Variants in CPQ observed in about 807,000 individuals in gnomAD.
CPQ encodes the protein carboxypeptidase Q.
A neutral mutation model predicts 45.7 loss-of-function variants in CPQ; 37 were observed. The observed-to-expected ratio is 0.81, with a 90% CI of 0.62 to 1.07. The LOEUF (loss-of-function observed/expected upper bound fraction) is 1.07. Among genes scored for constraint, CPQ ranks in the 50% least tolerant of loss-of-function variants. The pLI is 0.00. For synonymous variants in CPQ, 186 were observed against 205.8 expected, an observed-to-expected ratio of 0.90 and a Z score of 0.82; for missense variants, 537 against 572.9, an observed-to-expected ratio of 0.94 and a Z score of 0.64.
chr8:97,041,661 C>T (rs1326465238), intron 6 of CPQ, among the ~76,000 whole-genome samples: 1 of 152,168 alleles, frequency 6.6e-6, no homozygotes, highest in Non-Finnish European at 1.5e-5. Flanking sequence ...TACGTCCCCT[C>T]AATACCTAAT....
rs1815505384 is a variant in CPQ, at chr8:96,645,370, C to T, written c.-67C>T. 6.5e-6 allele frequency: 1 copy of T among 152,690 alleles called. No individual in the cohort carries two copies. The highest frequency in any genetic ancestry group is 1.5e-5 in the Non-Finnish European group (1 of 68,452). The allele number at this position is 152,690 out of a possible 1,614,324, so 9.5% of individuals were successfully genotyped here. A position where few individuals can be genotyped will look rare whatever the true frequency, so the allele number is the denominator to read the frequency against. On this transcript the variant is annotated 5_prime_UTR_variant, in exon 1 of 8. Coordinates refer to ENST00000220763, the MANE Select transcript of CPQ (RefSeq NM_016134.4). ...GCCGCGAGCTTAGTCCTGGGAGCCG[C>T]CTCCGTCGCCGCCGTCAGAGCCGCC...
chr8:96,709,643 C>T (rs7812565), intron 1 of CPQ, among the ~76,000 whole-genome samples: 55,510 of 151,854 alleles, frequency 0.37, 10,463 homozygotes, highest in East Asian at 0.61. Flanking sequence ...ATCTACTTTA[C>T]TGCATACTCA....
Position 96,785,155 on chromosome 8 carries a change from A to T in CPQ, c.258A>T (p.Lys86Asn). 6.2e-7 allele frequency: 1 copy of T among 1,613,716 alleles called. No individual in the cohort carries two copies. Among genetic ancestry groups the T allele is most frequent in the African/African-American group, 1.3e-5 (1 of 75,032 alleles). The change falls in exon 2 of 8, where the codon AAA (lysine) becomes AAT (asparagine). Residue 86 changes from lysine (K) to asparagine (N), a missense_variant. By Grantham distance (94) the Lys-to-Asn change is moderately conservative. Transcript: ENST00000220763. ...PRLSGSKNLE[K>N]AIQIMYQNLQ... ...TGAGTGGCTCCAAGAACCTAGAAAA[A>T]GCCATCCAAATTATGTACCAAAACC...
chr8:96,926,631 TCTC>T (rs1387002602), intron 4 of CPQ, among the ~76,000 whole-genome samples: 2 of 143,954 alleles, frequency 1.4e-5, no homozygotes. Flanking sequence ...TTCTCCTCCT[TCTC>T]CTTCTTCTTC....
chr8:96,660,729 A>G (rs1278661705), intron 1 of CPQ, among the ~76,000 whole-genome samples: 1 of 152,044 alleles, frequency 6.6e-6, no homozygotes, highest in African/African-American at 2.4e-5. Flanking sequence ...TGAACATACT[A>G]TAAATGTTCA....
intron 1 of CPQ, among the ~76,000 whole-genome samples, chr8:96,783,413 T>C (rs1167792872): frequency 1.3e-5 from 2 of 151,922 alleles, no homozygotes; most frequent in African/African-American, 4.8e-5. Flanking sequence ...TGCCACATCA[T>C]AACATGGCAG....
At chr8:96,772,343 A>G (rs552322565) in intron 1 of CPQ, among the ~76,000 whole-genome samples, 6 of 152,082 alleles carry the variant, frequency 3.9e-5, no homozygotes, top group South Asian at 2.1e-4. Context: ...ATGGTCCCAG[A>G]TGATGGGGTG....
chr8:97,084,627 A>C (rs73268743), intron 7 of CPQ, among the ~76,000 whole-genome samples: 4,795 of 152,312 alleles, frequency 0.031, 243 homozygotes, highest in African/African-American at 0.11. Context: ...ATACAGTGCC[A>C]TTCATAGAAT....
chr8:96,704,548 G>A (rs111532294), intron 1 of CPQ, among the ~76,000 whole-genome samples: 3,649 of 152,242 alleles, frequency 0.024, 160 homozygotes, highest in African/African-American at 0.083. Flanking sequence ...ATTCTAGGCA[G>A]AGGGATCAGG....
chr8:96,763,883 G>GTCTTTT (rs1810436145), intron 1 of CPQ, among the ~76,000 whole-genome samples: 4 of 152,130 alleles, frequency 2.6e-5, no homozygotes, highest in African/African-American at 9.7e-5. Flanking sequence ...ACCATATCAA[G>GTCTTTT]TGTTGGTGAA....
chr8:96,748,151 T>G (rs1394828637), intron 1 of CPQ, among the ~76,000 whole-genome samples: 1 of 152,224 alleles, frequency 6.6e-6, no homozygotes, highest in African/African-American at 2.4e-5. Flanking sequence ...ACTACAGTAA[T>G]CATCAATCTC....
At chr8:97,010,741 C>T (rs748780033) in intron 5 of CPQ, among the ~76,000 whole-genome samples, 11 of 152,150 alleles carry the variant, frequency 7.2e-5, no homozygotes, top group South Asian at 2.1e-4. Context: ...GTATAATCTC[C>T]TTCTCTCTGC....
intron 3 of CPQ, among the ~76,000 whole-genome samples, chr8:96,850,587 TA>T (rs1563512693): frequency 8.4e-4 from 98 of 116,914 alleles, no homozygotes; most frequent in South Asian, 5.7e-3. Context: ...TATTTTATTT[TA>T]TTTATTTATT....
rs1563587197 is a variant in CPQ at position 97,123,129 on chromosome 8, A to AAAATAAAAT, written c.1256-19887_1256-19879dup. 6.2e-4 allele frequency among the ~76,000 whole-genome samples: 61 copies of AAAATAAAAT among 98,016 alleles called. 1 individual carries two copies. The highest frequency in any genetic ancestry group is 7.2e-4 in the Non-Finnish European group (39 of 54,332). The allele number at this position is 98,016 out of a possible 152,430, so 64.3% of individuals were successfully genotyped here. A position where few individuals can be genotyped will look rare whatever the true frequency, so the allele number is the denominator to read the frequency against. ...TAAAATAAAATAAAATAAAATAAAT[A>AAAATAAAAT]AAATAAAATAAAATAAAATAAATAA... On this transcript the variant is annotated intron_variant, in intron 7 of 7. Transcript: ENST00000220763.
At chr8:96,689,934 T>A (rs1809282742) in intron 1 of CPQ, among the ~76,000 whole-genome samples, 1 of 152,164 alleles carries the variant, frequency 6.6e-6, no homozygotes, top group Non-Finnish European at 1.5e-5. Flanking sequence ...TCCTTCATAA[T>A]TCTTACTTTG....
At chr8:96,692,342 T>G (rs937845845) in intron 1 of CPQ, among the ~76,000 whole-genome samples, 1 of 151,584 alleles carries the variant, frequency 6.6e-6, no homozygotes, top group African/African-American at 2.4e-5. Flanking sequence ...TAAGCAAACA[T>G]AGGCAGTGGT....
intron 1 of CPQ, among the ~76,000 whole-genome samples, chr8:96,674,363 T>G (rs891349464): frequency 6.6e-6 from 1 of 152,194 alleles, no homozygotes; most frequent in Non-Finnish European, 1.5e-5. Context: ...TAATGTCAAA[T>G]TGATGTGGCT....
At chr8:96,671,587 G>C (rs1205961164) in intron 1 of CPQ, among the ~76,000 whole-genome samples, 2 of 152,122 alleles carry the variant, frequency 1.3e-5, no homozygotes, top group African/African-American at 4.8e-5. Context: ...CTGCAACAAG[G>C]AAACTATCAA....
chr8:96,835,754 G>A (rs1045996093), intron 3 of CPQ, among the ~76,000 whole-genome samples: 26 of 152,150 alleles, frequency 1.7e-4, no homozygotes, highest in African/African-American at 6.3e-4. Context: ...AATAATAAAT[G>A]TACAAAATAA....
Sources: allele counts gnomAD v4.1 joint callset (sites outside exome capture counted in the v4.1 genomes callset), GRCh38; gene constraint gnomAD v4.1.1; transcripts MANE v1.5; gene names NCBI Gene and HGNC (gene_info 2026-07-23, HGNC 2026-07-21).